Variants in HECW1 observed in about 807,000 individuals in gnomAD.
HECW1 encodes the protein E3 ubiquitin-protein ligase HECW1.
A neutral mutation model predicts 182.3 loss-of-function variants in HECW1; 61 were observed. That is an observed-to-expected ratio of 0.33 (90% CI 0.27 to 0.41). The LOEUF (loss-of-function observed/expected upper bound fraction) is 0.41. Among genes scored for constraint, HECW1 ranks in the 10% least tolerant of loss-of-function variants. The pLI is 1.00. For missense variants in HECW1, 1,739 were observed against 2,108.9 expected (o/e 0.82, Z 3.44); for synonymous variants, 859 against 832.6 (o/e 1.03, Z -0.55).
chr7:43,325,537 G>A (rs1253458030), intron 5 of HECW1, among the ~76,000 whole-genome samples: 1 of 152,188 alleles, frequency 6.6e-6, no homozygotes, highest in African/African-American at 2.4e-5. Context: ...TTAGTAGGAA[G>A]AACTGGGCAG....
At chr7:43,264,621 A>G (rs998659296) in intron 3 of HECW1, among the ~76,000 whole-genome samples, 11 of 152,066 alleles carry the variant, frequency 7.2e-5, no homozygotes, top group Admixed American at 3.9e-4. Flanking sequence ...CAAGGCGGGC[A>G]GATCACAAGG....
chr7:43,502,938 C>T (rs2079425604), intron 21 of HECW1, among the ~76,000 whole-genome samples: 1 of 152,160 alleles, frequency 6.6e-6, no homozygotes, highest in Non-Finnish European at 1.5e-5. Context: ...TGGTAATAAG[C>T]TTTGTCTCTG....
At chr7:43,169,315 T>C (rs558006256) in intron 2 of HECW1, among the ~76,000 whole-genome samples, 18 of 152,292 alleles carry the variant, frequency 1.2e-4, no homozygotes, top group African/African-American at 4.3e-4. Context: ...GACACTTTAT[T>C]GTCATGGGGG....
At chr7:43,190,084 T>C (rs574390348) in intron 2 of HECW1, among the ~76,000 whole-genome samples, 5 of 89,760 alleles carry the variant, frequency 5.6e-5, no homozygotes, top group African/African-American at 2.0e-4. Flanking sequence ...GCTGTGGAAA[T>C]TTTTGTTGTT....
chr7:43,458,161 A>G (rs1487327717), intron 13 of HECW1, among the ~76,000 whole-genome samples: 1 of 152,260 alleles, frequency 6.6e-6, no homozygotes, highest in Non-Finnish European at 1.5e-5. Flanking sequence ...CTCATCTTAC[A>G]TAGAGACCCT....
chr7:43,156,639 G>T (rs1444020248), intron 2 of HECW1, among the ~76,000 whole-genome samples: 1 of 150,360 alleles, frequency 6.7e-6, no homozygotes, highest in Admixed American at 6.6e-5. Context: ...ATAATTTCAT[G>T]ATTCATTCCC....
intron 7 of HECW1, among the ~76,000 whole-genome samples, chr7:43,401,567 G>GTTTTTTTTTTT (rs10574466): frequency 8.1e-6 from 1 of 123,204 alleles, no homozygotes; most frequent in African/African-American, 3.0e-5. Flanking sequence ...ATTTAAAAAG[G>GTTTTTTTTTTT]TTTTTTTTTT....
intron 2 of HECW1, chr7:43,207,734 C>A (rs1032553222): frequency 6.6e-6 from 1 of 152,184 alleles, no homozygotes; most frequent in Non-Finnish European, 1.5e-5. Context: ...TGGTGCCTAA[C>A]TTTCTATTCC....
At chr7:43,310,861 T>C (rs886901940) in intron 3 of HECW1, among the ~76,000 whole-genome samples, 2 of 152,160 alleles carry the variant, frequency 1.3e-5, no homozygotes, top group Non-Finnish European at 2.9e-5. Context: ...TAGAACAACA[T>C]GAACTTCAAT....
At chr7:43,373,023 A>G (rs2074174245) in intron 6 of HECW1, among the ~76,000 whole-genome samples, 1 of 152,138 alleles carries the variant, frequency 6.6e-6, no homozygotes, top group South Asian at 2.1e-4. Flanking sequence ...AGATGAAGAA[A>G]GTGCTTAGGC....
At chr7:43,277,394 T>A (rs997554067) in intron 3 of HECW1, among the ~76,000 whole-genome samples, 1 of 152,170 alleles carries the variant, frequency 6.6e-6, no homozygotes, top group African/African-American at 2.4e-5. Flanking sequence ...TGGTTTTGTT[T>A]TAGGTGTTTA....
At chr7:43,263,797 G>A (rs1166013887) in intron 3 of HECW1, among the ~76,000 whole-genome samples, 1 of 151,978 alleles carries the variant, frequency 6.6e-6, no homozygotes, top group Non-Finnish European at 1.5e-5. Context: ...AAGAAGAAGA[G>A]GCTGCAGGAT....
chr7:43,464,299 G>A (rs999866959), intron 14 of HECW1, among the ~76,000 whole-genome samples: 3 of 152,324 alleles, frequency 2.0e-5, no homozygotes, highest in South Asian at 4.1e-4. Context: ...ATAATCACTT[G>A]TTTGTAGAAT....
chr7:43,388,639 GT>G (rs2074896921), intron 6 of HECW1, among the ~76,000 whole-genome samples: 1 of 152,020 alleles, frequency 6.6e-6, no homozygotes, highest in Non-Finnish European at 1.5e-5. Context: ...GGGTTTTTTT[GT>G]TTTGTTTTGT....
chr7:43,338,590 C>T (rs930803412), intron 5 of HECW1, among the ~76,000 whole-genome samples: 1 of 152,126 alleles, frequency 6.6e-6, no homozygotes, highest in Admixed American at 6.6e-5. Flanking sequence ...TGTCAATTTT[C>T]CTCTAAGCAG....
chr7:43,370,831 A>G (rs190846486), intron 6 of HECW1, among the ~76,000 whole-genome samples: 54 of 152,068 alleles, frequency 3.6e-4, no homozygotes, highest in African/African-American at 1.3e-3. Flanking sequence ...GGTTGTGAAG[A>G]TTTAGCGGGG....
At chr7:43,228,864 A>G (rs1221986281) in intron 2 of HECW1, among the ~76,000 whole-genome samples, 2 of 152,238 alleles carry the variant, frequency 1.3e-5, no homozygotes, top group Non-Finnish European at 2.9e-5. Context: ...ATTGGAATAT[A>G]AAATTGCGTA....
chr7:43,283,088 G>A (rs747798712), intron 3 of HECW1, among the ~76,000 whole-genome samples: 4 of 151,360 alleles, frequency 2.6e-5, no homozygotes, highest in Admixed American at 6.6e-5. Flanking sequence ...ACTTGTCACT[G>A]CACTCCAACC....
chr7:43,394,256 G>A (rs574441073), intron 6 of HECW1, among the ~76,000 whole-genome samples: 1 of 152,322 alleles, frequency 6.6e-6, no homozygotes, highest in East Asian at 1.9e-4. Context: ...GGTCTAGCCT[G>A]AGGATGTGGT....
Sources: gnomAD v4.1 joint callset for allele counts (sites outside exome capture counted in the v4.1 genomes callset) on GRCh38, gnomAD v4.1.1 for gene constraint, MANE v1.5 for transcripts, NCBI Gene and HGNC (gene_info 2026-07-23, HGNC 2026-07-21) for gene names.